Variants in MAGI2 observed in about 807,000 individuals in gnomAD.
The protein encoded by MAGI2 is membrane-associated guanylate kinase, WW and PDZ domain-containing protein 2.
In MAGI2, 35 loss-of-function variants were observed where a neutral mutation model predicts 133.3. The ratio of observed to expected loss-of-function variants is 0.26; its 90% CI spans 0.20 to 0.35. The LOEUF (loss-of-function observed/expected upper bound fraction) is 0.35, where lower values mean the gene tolerates loss of function less well. Ranked by LOEUF, MAGI2 falls within the 10% of genes least tolerant of loss-of-function variation. The pLI is 1.00. For synonymous variants in MAGI2, 729 were observed against 710.6 expected (o/e 1.03, Z -0.41); for missense variants, 1,636 against 1,863.4 (o/e 0.88, Z 2.25).
At chr7:78,580,029 C>T (rs1312461810) in intron 3 of MAGI2, among the ~76,000 whole-genome samples, 1 of 152,036 alleles carries the variant, frequency 6.6e-6, no homozygotes, top group African/African-American at 2.4e-5. Flanking sequence ...TATTCTCAAC[C>T]AAACAATTTA....
intron 3 of MAGI2, among the ~76,000 whole-genome samples, chr7:78,576,126 T>G (rs1260492931): frequency 5.9e-5 from 3 of 51,264 alleles, no homozygotes; most frequent in Non-Finnish European, 1.2e-4. Flanking sequence ...TGAAAACACT[T>G]CTGTAAATTC....
intron 1 of MAGI2, among the ~76,000 whole-genome samples, chr7:79,190,900 T>C (rs1368734395): frequency 5.3e-5 from 8 of 151,804 alleles, no homozygotes; most frequent in Admixed American, 1.3e-4. Flanking sequence ...TTAATAGTTA[T>C]TAGGTAAATC....
chr7:79,155,129 C>A (rs1426482127), intron 1 of MAGI2, among the ~76,000 whole-genome samples: 1 of 152,154 alleles, frequency 6.6e-6, no homozygotes, highest in Non-Finnish European at 1.5e-5. Flanking sequence ...AGCTGGTTTG[C>A]AGGCAGGGGT....
intron 1 of MAGI2, among the ~76,000 whole-genome samples, chr7:79,370,331 T>G (rs1037525566): frequency 1.3e-5 from 2 of 152,150 alleles, no homozygotes; most frequent in African/African-American, 2.4e-5. Context: ...TATCACAGTT[T>G]ACTAAGGATA....
intron 12 of MAGI2, among the ~76,000 whole-genome samples, chr7:78,187,871 CT>C (rs1052329000): frequency 1.4e-4 from 22 of 152,288 alleles, no homozygotes; most frequent in Admixed American, 1.3e-3. Context: ...CCCTGATGGT[CT>C]CATATTAATT....
At chr7:78,617,432 G>T (rs1188911025) in intron 3 of MAGI2, 1 of 152,026 alleles carries the variant, frequency 6.6e-6, no homozygotes, top group African/African-American at 2.4e-5. Context: ...TCCTGATTTT[G>T]TCTGGTTGCT....
chr7:78,049,593 G>GT (rs139903974), intron 21 of MAGI2, among the ~76,000 whole-genome samples: 3 of 152,056 alleles, frequency 2.0e-5, no homozygotes, highest in Non-Finnish European at 4.4e-5. Flanking sequence ...GTCCTATGAT[G>GT]TTTTTTTTAA....
chr7:79,244,287 A>G (rs1213669609), intron 1 of MAGI2, among the ~76,000 whole-genome samples: 1 of 152,228 alleles, frequency 6.6e-6, no homozygotes, highest in Non-Finnish European at 1.5e-5. Flanking sequence ...CCTTCATAAG[A>G]ACCAAAAACC....
At chr7:78,248,845 C>A (rs1054753464) in intron 10 of MAGI2, among the ~76,000 whole-genome samples, 3 of 151,642 alleles carry the variant, frequency 2.0e-5, no homozygotes, top group African/African-American at 7.3e-5. Context: ...AAAGCACAGG[C>A]AATAAAAAAG....
intron 9 of MAGI2, among the ~76,000 whole-genome samples, chr7:78,272,868 T>C (rs1794721186): frequency 6.6e-6 from 1 of 152,172 alleles, no homozygotes; most frequent in African/African-American, 2.4e-5. Context: ...GAATATAGCA[T>C]ACTGATGGGT....
chr7:78,539,778 C>T (rs181251903), intron 3 of MAGI2, among the ~76,000 whole-genome samples: 126 of 152,288 alleles, frequency 8.3e-4, no homozygotes, highest in Admixed American at 1.6e-3. Context: ...GATACCAACA[C>T]CTGCTCTGGC....
chr7:79,232,279 C>A (rs1265519776), intron 1 of MAGI2, among the ~76,000 whole-genome samples: 2 of 148,666 alleles, frequency 1.3e-5, no homozygotes, highest in Admixed American at 6.7e-5. Context: ...CTCTGCCAGG[C>A]TTTGGTATCA....
chr7:78,087,117 T>C (rs1230112104), intron 20 of MAGI2, among the ~76,000 whole-genome samples: 1 of 152,194 alleles, frequency 6.6e-6, no homozygotes, highest in Non-Finnish European at 1.5e-5. Flanking sequence ...CCCAGCAGTC[T>C]GGGTTGGGTG....
At chr7:79,338,319 T>C (rs1198198359) in intron 1 of MAGI2, among the ~76,000 whole-genome samples, 1 of 152,152 alleles carries the variant, frequency 6.6e-6, no homozygotes, top group Non-Finnish European at 1.5e-5. Context: ...ACCTCCATTT[T>C]TAACAGGAAT....
intron 6 of MAGI2, among the ~76,000 whole-genome samples, chr7:78,435,765 T>C (rs6968527): frequency 0.025 from 3,874 of 152,250 alleles, 62 homozygotes; most frequent in South Asian, 0.075. Context: ...AACCAGCAGA[T>C]TGAAAATCTG....
At chr7:79,219,389 T>C (rs1249001602) in intron 1 of MAGI2, among the ~76,000 whole-genome samples, 1 of 152,058 alleles carries the variant, frequency 6.6e-6, no homozygotes, top group Non-Finnish European at 1.5e-5. Context: ...AAGAGCTCAT[T>C]TAAATGATCC....
intron 1 of MAGI2, among the ~76,000 whole-genome samples, chr7:79,205,720 A>G (rs1828990708): frequency 6.6e-6 from 1 of 151,520 alleles, no homozygotes; most frequent in Admixed American, 6.6e-5. Flanking sequence ...TAAAAATTCA[A>G]AATTTGGTGG....
Position 78,873,345 on chromosome 7 carries a change from G to A in MAGI2, c.418+133745C>T, listed in dbSNP as rs114257333. ...AGGAGGTGAGCTGCGGGTGAGATTC[G>A]TCTGTATTTACAGCCACTTCCCATC... On this transcript the variant is annotated intron_variant, in intron 2 of 21. Transcript: ENST00000354212. 2.2e-3 allele frequency among the ~76,000 whole-genome samples: 331 copies of A among 152,166 alleles called. 3 individuals carry two copies. The highest frequency in any genetic ancestry group is 7.5e-3 in the African/African-American group (312 of 41,520).
chr7:79,126,999 G>A (rs1023308724), intron 1 of MAGI2, among the ~76,000 whole-genome samples: 1 of 143,100 alleles, frequency 7.0e-6, no homozygotes, highest in African/African-American at 2.6e-5. Flanking sequence ...CCCTTCCTGT[G>A]TCCATGTGTT....
Sources: gnomAD v4.1 joint callset for allele counts (sites outside exome capture counted in the v4.1 genomes callset) on GRCh38, gnomAD v4.1.1 for gene constraint, MANE v1.5 for transcripts, NCBI Gene and HGNC (gene_info 2026-07-23, HGNC 2026-07-21) for gene names.